CDK19: variants seen among roughly 807,000 people sequenced by gnomAD.
CDK19 encodes the protein cyclin-dependent kinase 19.
Under a neutral mutation model 68.3 loss-of-function variants are expected in CDK19, and 20 were observed. That is an observed-to-expected ratio of 0.29 (90% CI 0.21 to 0.43). The LOEUF is 0.43. Among genes scored for constraint, CDK19 ranks in the 20% least tolerant of loss-of-function variants. The probability of loss-of-function intolerance (pLI) is 1.00; values close to 1 mark genes in which losing one functional copy is unlikely to be tolerated. For synonymous variants in CDK19, 221 were observed against 222.8 expected (o/e 0.99, Z 0.07); for missense variants, 339 against 623.5 (o/e 0.54, Z 4.86).
rs116482680 is a variant in CDK19 at position 110,693,372 on chromosome 6, T to G, written c.205-22831A>C. Among the ~76,000 whole-genome samples the G allele has an allele frequency of 5.3e-3, 800 of 152,322 alleles. 6 individuals are homozygous for G. The highest frequency in any genetic ancestry group is 0.019 in the African/African-American group (778 of 41,580). ...AGCTTTACCTAGAGCCGAACTGGAT[T>G]TAGTGAGCTAAGCAAAATATAAAAG... On this transcript the variant is annotated intron_variant, in intron 2 of 12. Coordinates refer to ENST00000368911, the MANE Select transcript of CDK19 (RefSeq NM_015076.5).
intron 1 of CDK19, among the ~76,000 whole-genome samples, chr6:110,800,052 T>A (rs941229106): frequency 6.6e-6 from 1 of 152,206 alleles, no homozygotes; most frequent in African/African-American, 2.4e-5. Context: ...AATCATAGTA[T>A]TTTAATGCTG....
chr6:110,658,825 TAAAG>T (rs1033105833), intron 4 of CDK19, among the ~76,000 whole-genome samples: 8 of 152,288 alleles, frequency 5.3e-5, no homozygotes, highest in South Asian at 4.1e-4. Context: ...AAAAAGAGGT[TAAAG>T]AAAGGGCATC....
At chr6:110,667,667 A>T in intron 3 of CDK19, 93 bp from the exon 4 acceptor site, 1 of 594,806 alleles carries the variant, frequency 1.7e-6, no homozygotes, top group Admixed American at 3.7e-5. Flanking sequence ...TCTATATTTT[A>T]AAATTACTTA....
chr6:110,698,922 G>A (rs1465561747), intron 2 of CDK19, among the ~76,000 whole-genome samples: 2 of 151,864 alleles, frequency 1.3e-5, no homozygotes, highest in Non-Finnish European at 2.9e-5. Context: ...AATTAGCCAG[G>A]CATAGTGGCA....
intron 2 of CDK19, among the ~76,000 whole-genome samples, chr6:110,701,469 G>A (rs184306870): frequency 1.7e-4 from 26 of 149,126 alleles, no homozygotes; most frequent in South Asian, 6.4e-4. Flanking sequence ...GGAGAATGGC[G>A]TGAACCCGGG....
chr6:110,725,096 T>C (rs1055118947), intron 2 of CDK19, among the ~76,000 whole-genome samples: 1 of 152,156 alleles, frequency 6.6e-6, no homozygotes, highest in Admixed American at 6.6e-5. Context: ...ATTTGTTGAA[T>C]GAGCAAATAA....
At chr6:110,806,121 C>A (rs1020668196) in intron 1 of CDK19, among the ~76,000 whole-genome samples, 1 of 152,112 alleles carries the variant, frequency 6.6e-6, no homozygotes, top group African/African-American at 2.4e-5. Flanking sequence ...GGGCAGATCA[C>A]CTGAGGTCAA....
At chr6:110,802,284 G>T (rs1158840387) in intron 1 of CDK19, among the ~76,000 whole-genome samples, 2 of 152,158 alleles carry the variant, frequency 1.3e-5, no homozygotes, top group Non-Finnish European at 2.9e-5. Context: ...ATCCTCCTGG[G>T]TGTCTATCAA....
chr6:110,668,646 A>G (rs1211383558), intron 3 of CDK19, among the ~76,000 whole-genome samples: 2 of 152,132 alleles, frequency 1.3e-5, no homozygotes, highest in East Asian at 3.9e-4. Flanking sequence ...CAGCCTGACC[A>G]ACACGGTGAA....
chr6:110,716,970 A>G (rs1212449442), intron 2 of CDK19, among the ~76,000 whole-genome samples: 1 of 152,048 alleles, frequency 6.6e-6, no homozygotes, highest in Admixed American at 6.6e-5. Flanking sequence ...CGTCTCTACT[A>G]AAAATACAAA....
intron 1 of CDK19, among the ~76,000 whole-genome samples, chr6:110,775,056 G>A (rs1780301147): frequency 1.3e-5 from 2 of 152,028 alleles, no homozygotes. Flanking sequence ...GACCATCCTG[G>A]CCAACATGGT....
At chr6:110,811,073 A>T (rs757626560) in intron 1 of CDK19, among the ~76,000 whole-genome samples, 17 of 152,192 alleles carry the variant, frequency 1.1e-4, no homozygotes, top group Non-Finnish European at 2.2e-4. Flanking sequence ...CATGACAGTT[A>T]ACCTCTCAAA....
At chr6:110,777,986 G>C (rs943425972) in intron 1 of CDK19, among the ~76,000 whole-genome samples, 2 of 152,144 alleles carry the variant, frequency 1.3e-5, no homozygotes, top group African/African-American at 4.8e-5. Flanking sequence ...GGGAAGGGGA[G>C]AATGGGCACT....
intron 1 of CDK19, 24 bp downstream of exon 1, chr6:110,814,985 T>C: frequency 6.3e-7 from 1 of 1,599,996 alleles, no homozygotes; most frequent in Non-Finnish European, 8.5e-7. Flanking sequence ...CGAGCGAGCC[T>C]ACTCCTCCCG....
rs60447915 is a variant in CDK19, at chr6:110,631,322, G to T, written c.646+708C>A. Among the ~76,000 whole-genome samples, 3,225 of 152,178 alleles carry T rather than the reference G, an allele frequency of 0.021. 344 individuals are homozygous for T. The East Asian group carries it at 0.34, about 16-fold the overall frequency. On this transcript the variant is annotated intron_variant, in intron 6 of 12. Transcript: ENST00000368911. ...TTCCTTCCTTTAAAGAAATCTCTAG[G>T]TTTGAGGAGGGCCAGCTCCTACTGA...
chr6:110,763,316 A>C (rs1419398294), intron 1 of CDK19, among the ~76,000 whole-genome samples: 1 of 152,132 alleles, frequency 6.6e-6, no homozygotes, highest in African/African-American at 2.4e-5. Context: ...ATATAGAATA[A>C]TATATTGAGA....
intron 4 of CDK19, among the ~76,000 whole-genome samples, chr6:110,641,724 T>A (rs1250915231): frequency 6.6e-6 from 1 of 150,502 alleles, no homozygotes; most frequent in Non-Finnish European, 1.5e-5. Context: ...AAACTATCAA[T>A]ATAGAAAGAA....
chr6:110,755,716 G>A (rs1473826924), intron 1 of CDK19, among the ~76,000 whole-genome samples: 1 of 152,184 alleles, frequency 6.6e-6, no homozygotes, highest in African/African-American at 2.4e-5. Flanking sequence ...GCATAGTTTT[G>A]TATGGTATGC....
At chr6:110,752,907 T>G (rs1043430664) in intron 1 of CDK19, among the ~76,000 whole-genome samples, 13 of 125,926 alleles carry the variant, frequency 1.0e-4, no homozygotes, top group East Asian at 2.4e-4. Flanking sequence ...TTATCTCGGG[T>G]TTTTTTTGTT....
Sources: gnomAD v4.1 joint callset for allele counts (sites outside exome capture counted in the v4.1 genomes callset) on GRCh38, gnomAD v4.1.1 for gene constraint, MANE v1.5 for transcripts, NCBI Gene and HGNC (gene_info 2026-07-23, HGNC 2026-07-21) for gene names.